The following TENM2 variants were observed in gnomAD, a reference collection of about 807,000 sequenced individuals.
The protein encoded by TENM2 is teneurin transmembrane protein 2.
Under a neutral mutation model 245.2 loss-of-function variants are expected in TENM2, and 52 were observed. The observed-to-expected ratio is 0.21, with a 90% CI of 0.17 to 0.27. TENM2 has a LOEUF of 0.27. Ranked by LOEUF, TENM2 falls within the 10% of genes least tolerant of loss-of-function variation. The probability of loss-of-function intolerance (pLI) is 1.00; values close to 1 mark genes in which losing one functional copy is unlikely to be tolerated. For missense variants in TENM2, 3,046 were observed against 3,666.8 expected, an observed-to-expected ratio of 0.83 and a Z score of 4.37; for synonymous variants, 1,363 against 1,438.9, an observed-to-expected ratio of 0.95 and a Z score of 1.19.
intron 1 of TENM2, among the ~76,000 whole-genome samples, chr5:167,358,803 GCACACACACACACACACACA>G (rs58530155): frequency 0.18 from 25,640 of 143,932 alleles, 2,489 homozygotes; most frequent in Non-Finnish European, 0.22. Flanking sequence ...ATTCTGATCT[GCACACACACACACACACACA>G]CACACACACA....
At chr5:168,189,402 C>T (rs2152507479) in intron 13 of TENM2, among the ~76,000 whole-genome samples, 1 of 152,320 alleles carries the variant, frequency 6.6e-6, no homozygotes, top group Admixed American at 6.5e-5. Context: ...TGGTTCTTTG[C>T]TCTCTCTCAT....
intron 2 of TENM2, among the ~76,000 whole-genome samples, chr5:167,764,420 C>T (rs1762869636): frequency 6.6e-6 from 1 of 152,140 alleles, no homozygotes; most frequent in African/African-American, 2.4e-5. Flanking sequence ...GGATTGTCAG[C>T]TCTCCAAGGA....
At chr5:167,688,905 A>T (rs1380336902) in intron 2 of TENM2, among the ~76,000 whole-genome samples, 1 of 152,232 alleles carries the variant, frequency 6.6e-6, no homozygotes, top group African/African-American at 2.4e-5. Context: ...CTGGGTGATT[A>T]AATGTGGTCA....
chr5:168,170,296 G>T (rs1028699646), intron 13 of TENM2, among the ~76,000 whole-genome samples: 2 of 152,126 alleles, frequency 1.3e-5, no homozygotes, highest in Non-Finnish European at 2.9e-5. Context: ...TTGAGGTCAG[G>T]AGTTTGAGAC....
At chr5:167,484,447 TC>T (rs1314243119) in intron 2 of TENM2, among the ~76,000 whole-genome samples, 1 of 152,024 alleles carries the variant, frequency 6.6e-6, no homozygotes, top group Non-Finnish European at 1.5e-5. Flanking sequence ...GGAGAAGATG[TC>T]CATATATGAA....
intron 2 of TENM2, among the ~76,000 whole-genome samples, chr5:167,451,224 A>G (rs996901430): frequency 6.6e-6 from 1 of 152,098 alleles, no homozygotes; most frequent in Non-Finnish European, 1.5e-5. Context: ...TCTTGACCCC[A>G]AGATTGTCAG....
chr5:167,960,578 C>T (rs1780934679), intron 4 of TENM2, among the ~76,000 whole-genome samples: 1 of 144,166 alleles, frequency 6.9e-6, no homozygotes, highest in Admixed American at 6.9e-5. Context: ...AGGTCAACTT[C>T]AGACTGCTGT....
intron 2 of TENM2, among the ~76,000 whole-genome samples, chr5:167,570,804 A>G (rs977985348): frequency 6.6e-6 from 1 of 152,162 alleles, no homozygotes; most frequent in Admixed American, 6.5e-5. Context: ...ACTTTAAGAG[A>G]TATGGGGTTG....
chr5:167,286,405 A>G (rs1398807884), intron 1 of TENM2, among the ~76,000 whole-genome samples: 1 of 152,172 alleles, frequency 6.6e-6, no homozygotes, highest in Non-Finnish European at 1.5e-5. Flanking sequence ...TAACTTCAAC[A>G]AGTGTTTTTG....
intron 5 of TENM2, among the ~76,000 whole-genome samples, chr5:167,996,039 G>T (rs1784025527): frequency 6.6e-6 from 1 of 152,088 alleles, no homozygotes; most frequent in Non-Finnish European, 1.5e-5. Context: ...GGACCTTTAT[G>T]GGCAGGCAGT....
chr5:167,692,265 G>T (rs570179291), intron 2 of TENM2, among the ~76,000 whole-genome samples: 1 of 152,136 alleles, frequency 6.6e-6, no homozygotes, highest in Non-Finnish European at 1.5e-5. Context: ...TATTAAAAAG[G>T]TCAAATGAAT....
At chr5:167,648,627 C>T (rs1312281598) in intron 2 of TENM2, among the ~76,000 whole-genome samples, 2 of 152,170 alleles carry the variant, frequency 1.3e-5, no homozygotes, top group Admixed American at 6.5e-5. Flanking sequence ...CAGGGAGAAG[C>T]GATGCGACTG....
chr5:168,217,065 G>A (rs553391002), intron 22 of TENM2, 143 bp downstream of exon 24: 29 of 873,918 alleles, frequency 3.3e-5, no homozygotes, highest in East Asian at 4.9e-5. Context: ...GAAAGCCTGA[G>A]ATGAGCTAAA....
chr5:167,595,221 CAG>C (rs1404948061), intron 2 of TENM2, among the ~76,000 whole-genome samples: 1 of 152,078 alleles, frequency 6.6e-6, no homozygotes, highest in Non-Finnish European at 1.5e-5. Flanking sequence ...AAGAGACAAT[CAG>C]AAGAAATGTC....
chr5:168,019,398 A>T (rs921472787), intron 5 of TENM2, among the ~76,000 whole-genome samples: 5 of 152,200 alleles, frequency 3.3e-5, no homozygotes, highest in Admixed American at 2.0e-4. Context: ...GGCCATTCCA[A>T]AGCCCAGAAA....
In TENM2 at chr5:167,950,787, A is replaced by G. The variant is rs553527068; in HGVS notation, c.713-1801A>G. On this transcript the variant is annotated intron_variant, in intron 3 of 28. Transcript: ENST00000518659. ...GTAATAATACATTACTAGACAGACA[A>G]CAATGCCAGAAAATATAATAGCCTG... Among the ~76,000 whole-genome samples the G allele has an allele frequency of 2.0e-5, 3 of 152,330 alleles. No homozygotes were observed. In the South Asian group the frequency reaches 6.2e-4, roughly 32 times the overall value.
chr5:168,029,562 T>C (rs534756852), intron 5 of TENM2, among the ~76,000 whole-genome samples: 4 of 152,314 alleles, frequency 2.6e-5, no homozygotes, highest in Admixed American at 2.6e-4. Flanking sequence ...TGGGCAGCCC[T>C]GTGCCTGATA....
At chr5:168,038,247 A>G (rs565765205) in intron 5 of TENM2, among the ~76,000 whole-genome samples, 5 of 152,346 alleles carry the variant, frequency 3.3e-5, no homozygotes, top group African/African-American at 1.2e-4. Flanking sequence ...AAAGGACTCA[A>G]TAAGAGTTAG....
chr5:168,092,383 C>T (rs1006551835), intron 8 of TENM2, among the ~76,000 whole-genome samples: 4 of 152,198 alleles, frequency 2.6e-5, no homozygotes, highest in Admixed American at 1.3e-4. Flanking sequence ...ATTGGAGCAG[C>T]CCCATACATC....
Sources: gnomAD v4.1 joint callset for allele counts (sites outside exome capture counted in the v4.1 genomes callset) on GRCh38, gnomAD v4.1.1 for gene constraint, MANE v1.5 for transcripts, NCBI Gene and HGNC (gene_info 2026-07-23, HGNC 2026-07-21) for gene names.